Variants in TENM1 observed in about 807,000 individuals in gnomAD.
TENM1 encodes the protein teneurin transmembrane protein 1.
TENM1 carries 35 observed loss-of-function variants against 174.8 expected under a neutral mutation model. The ratio of observed to expected loss-of-function variants is 0.20; its 90% confidence interval spans 0.15 to 0.27. TENM1 has a LOEUF of 0.27. Ranked by LOEUF, TENM1 falls within the 10% of genes least tolerant of loss-of-function variation. The pLI is 1.00. For synonymous variants in TENM1, 781 were observed against 798.7 expected, an observed-to-expected ratio of 0.98 and a Z score of 0.37; for missense variants, 1,633 against 2,130.1, an observed-to-expected ratio of 0.77 and a Z score of 4.59.
chrX:125,113,340 G>T, the TENM1 span, among the ~76,000 whole-genome samples: 13 of 110,468 alleles, frequency 1.2e-4, no homozygotes, highest in African/African-American at 3.9e-4. Context: ...GAACACACAG[G>T]ACACAAAAAA....
intron 10 of TENM1, among the ~76,000 whole-genome samples, chrX:124,643,414 G>A (rs1410761834): frequency 1.8e-5 from 2 of 111,100 alleles, no homozygotes; most frequent in South Asian, 3.9e-4. Flanking sequence ...GAAAGCAAGC[G>A]CCCTTTTAAA....
At chrX:124,858,614 A>AG (rs1384043834) in intron 3 of TENM1, among the ~76,000 whole-genome samples, 2 of 111,780 alleles carry the variant, frequency 1.8e-5, no homozygotes, top group African/African-American at 6.5e-5. Context: ...CAAGTAAGCA[A>AG]GCTGCTAAGC....
chrX:125,094,791 T>C, the TENM1 span, among the ~76,000 whole-genome samples: 2 of 112,219 alleles, frequency 1.8e-5, no homozygotes, highest in Admixed American at 9.4e-5. Context: ...ATCATGAAAA[T>C]AGAAGACTTC....
chrX:124,671,821 C>G (rs1223796826), exon 6 of TENM1: 1 of 1,207,449 alleles, frequency 8.3e-7, no homozygotes, highest in Non-Finnish European at 1.1e-6. Flanking sequence ...CAAGTCAGGC[C>G]GAACAAATGC....
chrX:124,772,401 C>G (rs773587685), intron 3 of TENM1, among the ~76,000 whole-genome samples: 1 of 112,229 alleles, frequency 8.9e-6, no homozygotes, highest in South Asian at 3.7e-4. Flanking sequence ...TTCGAAAGTG[C>G]TGGGATAACA....
chrX:124,599,987 A>G (rs1430291145), intron 11 of TENM1, among the ~76,000 whole-genome samples: 2 of 110,599 alleles, frequency 1.8e-5, no homozygotes, highest in African/African-American at 6.6e-5. Context: ...TAAATAGATA[A>G]AAAGGTGAAT....
chrX:125,178,233 T>C, the TENM1 span, among the ~76,000 whole-genome samples: 1 of 111,674 alleles, frequency 9.0e-6, no homozygotes, highest in African/African-American at 3.3e-5. Context: ...TTCTACAGCT[T>C]TGTGGAACTG....
At chrX:124,998,393 T>C in the TENM1 span, among the ~76,000 whole-genome samples, 100 of 109,296 alleles carry the variant, frequency 9.1e-4, no homozygotes, top group African/African-American at 3.1e-3. Context: ...GGGCTATGCA[T>C]GGTCACCTGA....
chrX:124,664,130 G>T (rs1244463679), intron 6 of TENM1, among the ~76,000 whole-genome samples: 1 of 111,541 alleles, frequency 9.0e-6, no homozygotes, highest in Non-Finnish European at 1.9e-5. Flanking sequence ...CTTTGTTAGC[G>T]CATTACTTCT....
chrX:124,431,860 T>G (rs1421611910), intron 23 of TENM1, among the ~76,000 whole-genome samples: 1 of 112,198 alleles, frequency 8.9e-6, no homozygotes, highest in Non-Finnish European at 1.9e-5. Flanking sequence ...CTCTCAACCT[T>G]TGGTCAAATG....
At chrX:125,139,870 AG>A in the TENM1 span, among the ~76,000 whole-genome samples, 1 of 106,859 alleles carries the variant, frequency 9.4e-6, no homozygotes, top group Non-Finnish European at 1.9e-5. Flanking sequence ...AGAGAGAGAG[AG>A]AGAGAGAGAG....
At chrX:124,977,251 T>C in the TENM1 span, among the ~76,000 whole-genome samples, 1 of 111,991 alleles carries the variant, frequency 8.9e-6, no homozygotes, top group Non-Finnish European at 1.9e-5. Context: ...TAAGGCATTT[T>C]ATACAGTTAT....
At chrX:124,750,974 G>A (rs2054049373) in intron 3 of TENM1, among the ~76,000 whole-genome samples, 1 of 112,243 alleles carries the variant, frequency 8.9e-6, no homozygotes, top group African/African-American at 3.2e-5. Flanking sequence ...ATCATTAAAT[G>A]TTTCCTTTTA....
At chrX:124,580,497 CAT>C (rs1023089363) in intron 11 of TENM1, among the ~76,000 whole-genome samples, 10 of 109,023 alleles carry the variant, frequency 9.2e-5, no homozygotes, top group African/African-American at 1.3e-4. Flanking sequence ...TCTATATACA[CAT>C]GTGTGTGTAT....
exon 4 of TENM1, chrX:124,737,068 G>A (rs1396727890): frequency 8.3e-7 from 1 of 1,211,620 alleles, no homozygotes; most frequent in South Asian, 1.8e-5. Flanking sequence ...GCTGCGGGTA[G>A]TCATTGATCT....
At chrX:124,872,081 A>T (rs2057121675) in intron 3 of TENM1, among the ~76,000 whole-genome samples, 1 of 109,321 alleles carries the variant, frequency 9.1e-6, no homozygotes, top group Non-Finnish European at 1.9e-5. Context: ...AGCAAATAAG[A>T]CAGAGAAGTG....
chrX:124,494,289 C>A (rs768245818), intron 20 of TENM1, among the ~76,000 whole-genome samples: 4 of 110,783 alleles, frequency 3.6e-5, no homozygotes, highest in Admixed American at 9.6e-5. Flanking sequence ...TGAGGAGATG[C>A]CTGAAGAAAA....
the TENM1 span, among the ~76,000 whole-genome samples, chrX:124,992,624 C>T: frequency 2.7e-5 from 3 of 110,772 alleles, no homozygotes; most frequent in East Asian, 2.9e-4. Flanking sequence ...CTCGGTTGAC[C>T]GTAGGTTATA....
intron 11 of TENM1, among the ~76,000 whole-genome samples, chrX:124,574,942 C>A (rs1454489691): frequency 2.7e-5 from 3 of 111,975 alleles, no homozygotes; most frequent in Non-Finnish European, 5.7e-5. Flanking sequence ...CTGATTTCAA[C>A]TCCTTCCATT....
Sources: gnomAD v4.1 joint callset for allele counts (sites outside exome capture counted in the v4.1 genomes callset) on GRCh38, gnomAD v4.1.1 for gene constraint, MANE v1.5 for transcripts, NCBI Gene and HGNC (gene_info 2026-07-23, HGNC 2026-07-21) for gene names.